Variants in ATP1B2 observed in about 807,000 individuals in gnomAD.
The protein encoded by ATP1B2 is sodium/potassium-transporting ATPase subunit beta-2.
Under a neutral mutation model 37.3 loss-of-function variants are expected in ATP1B2, and 12 were observed. The ratio of observed to expected loss-of-function variants is 0.32; its 90% CI spans 0.21 to 0.52. ATP1B2 has a LOEUF of 0.52. ATP1B2 is among the 20% of genes least tolerant of loss of function. The pLI is 0.96. For synonymous variants in ATP1B2, 139 were observed against 140.5 expected, an observed-to-expected ratio of 0.99 and a Z score of 0.07; for missense variants, 324 against 391.6, an observed-to-expected ratio of 0.83 and a Z score of 1.46.
Position 7,654,519 on chromosome 17 carries a change from C to A in ATP1B2, c.553-109C>A. Reference sequence around the variant, plus strand: ...TCCTGGAATTAAGCTATCCTCCCGCCTCAACCTCCCTAGTAGTTGGGACTA... The same window carrying A: ...TCCTGGAATTAAGCTATCCTCCCGCATCAACCTCCCTAGTAGTTGGGACTA... On this transcript the variant is annotated intron_variant, in intron 4 of 6. Coordinates refer to ENST00000250111, the MANE Select transcript of ATP1B2 (RefSeq NM_001678.5). The surrounding 1 kb of genome is among the most constrained non-coding windows in gnomAD (Gnocchi z 4.9). 8.0e-7 allele frequency: 1 copy of A among 1,253,358 alleles called. No homozygotes were observed. Among genetic ancestry groups the A allele is most frequent in the Non-Finnish European group, 1.2e-6 (1 of 857,078 alleles). The allele number at this position is 1,253,358 out of a possible 1,614,324, so 77.6% of individuals were successfully genotyped here. A position where few individuals can be genotyped will look rare whatever the true frequency, so the allele number is the denominator to read the frequency against.
At chr17:7,648,443 G>A (rs1322874452), upstream of ATP1B2, among the ~76,000 whole-genome samples, 1 of 151,340 alleles carries the variant, frequency 6.6e-6, no homozygotes, top group South Asian at 2.1e-4. Flanking sequence ...GCCGGGCGTG[G>A]TGGTAGTCCC....
At chr17:7,652,464 C>G (rs112096564) in intron 1 of ATP1B2, among the ~76,000 whole-genome samples, 1 of 152,130 alleles carries the variant, frequency 6.6e-6, no homozygotes, top group African/African-American at 2.4e-5. Context: ...CTGTGTGACA[C>G]GATTTACAAT....
intron 1 of ATP1B2, among the ~76,000 whole-genome samples, chr17:7,652,277 AGTCG>A (rs2072619253): frequency 6.7e-6 from 1 of 148,692 alleles, no homozygotes; most frequent in Admixed American, 6.7e-5. Context: ...TGTCTGTGAC[AGTCG>A]GATGACTTGG....
At chr17:7,650,716 T>A (rs931863816), upstream of ATP1B2, among the ~76,000 whole-genome samples, 3 of 151,962 alleles carry the variant, frequency 2.0e-5, no homozygotes, top group Non-Finnish European at 4.4e-5. Flanking sequence ...CCTCCCACCC[T>A]GTCCCAGTCT....
At chr17:7,648,567 C>CAAAAAAAAA (rs58333874), upstream of ATP1B2, among the ~76,000 whole-genome samples, 1 of 69,752 alleles carries the variant, frequency 1.4e-5, no homozygotes, top group Non-Finnish European at 2.6e-5. Context: ...ACTCTGTCTC[C>CAAAAAAAAA]AAAAAAAAAA....
At position 7,654,362 on chromosome 17, in the gene ATP1B2, T is replaced by A. The variant is rs1256969511; in HGVS notation, c.552+105T>A. 6.0e-6 allele frequency: 8 copies of A among 1,332,266 alleles called. No individual in the cohort carries two copies. In the Admixed American group the frequency reaches 1.4e-4, roughly 24 times the overall value. 82.5% of individuals were successfully genotyped at this position (1,332,266 alleles called of 1,614,324 possible). On this transcript the variant is annotated intron_variant, in intron 4 of 6. Coordinates refer to ENST00000250111, the MANE Select transcript of ATP1B2 (RefSeq NM_001678.5). The surrounding 1 kb of genome is among the most constrained non-coding windows in gnomAD (Gnocchi z 4.9). ...GGGGCTAATGGGCATGAGAAAGACT[T>A]GGATGTTTGTGTAGCTGAGAGAAAA...
intron 1 of ATP1B2, among the ~76,000 whole-genome samples, chr17:7,653,045 T>G (rs2072624206): frequency 6.6e-6 from 1 of 152,194 alleles, no homozygotes; most frequent in Non-Finnish European, 1.5e-5. Flanking sequence ...TGAGTACGAA[T>G]GCAGAGGTAA....
upstream of ATP1B2, among the ~76,000 whole-genome samples, chr17:7,648,075 A>G (rs1435774062): frequency 6.6e-6 from 1 of 151,992 alleles, no homozygotes; most frequent in Non-Finnish European, 1.5e-5. Flanking sequence ...CCCTGTCTCT[A>G]GTAAAAATAC....
upstream of ATP1B2, among the ~76,000 whole-genome samples, chr17:7,648,306 G>A (rs913696549): frequency 1.3e-5 from 2 of 151,810 alleles, no homozygotes; most frequent in Non-Finnish European, 2.9e-5. Flanking sequence ...GGCTGGGTGC[G>A]GTTGTTCACA....
upstream of ATP1B2, among the ~76,000 whole-genome samples, chr17:7,650,877 C>T (rs1303187836): frequency 6.6e-6 from 1 of 152,152 alleles, no homozygotes. Flanking sequence ...GGGGCGGGCA[C>T]CCCCAGAGCC....
chr17:7,647,350 T>G (rs554772006), upstream of ATP1B2, among the ~76,000 whole-genome samples: 1 of 152,234 alleles, frequency 6.6e-6, no homozygotes, highest in East Asian at 1.9e-4. Flanking sequence ...TTTCAGTCCT[T>G]CCTTCCTTAT....
Position 7,651,326 on chromosome 17 carries a change from G to A in ATP1B2, c.-193G>A. The A allele has an allele frequency of 2.7e-5, 16 of 586,116 alleles. No individual in the cohort carries two copies. The South Asian group carries it at 3.1e-4, about 11-fold the overall frequency. The allele number at this position is 586,116 out of a possible 1,614,324, so 36.3% of individuals were successfully genotyped here. ...GCCTAGGATCGGTGCATCTTCCGCC[G>A]CGCTGCCAGCACCCCGCAGCGCGTG... On this transcript the variant is annotated 5_prime_UTR_variant, in exon 1 of 7. Transcript: ENST00000250111.
upstream of ATP1B2, among the ~76,000 whole-genome samples, chr17:7,647,099 CAAAA>C (rs34937578): frequency 3.8e-5 from 3 of 78,304 alleles, no homozygotes; most frequent in Admixed American, 1.4e-4. Context: ...GAGACTATCT[CAAAA>C]AAAAAAAAAA....
At position 7,654,624 on chromosome 17, in the gene ATP1B2, C is replaced by A; in HGVS notation, c.553-4C>A. On this transcript the variant is annotated splice_polypyrimidine_tract_variant and splice_region_variant and intron_variant, in intron 4 of 6. Coordinates refer to ENST00000250111, the MANE Select transcript of ATP1B2 (RefSeq NM_001678.5). The surrounding 1 kb of genome is among the most constrained non-coding windows in gnomAD (Gnocchi z 4.9). ...ACTCTCTTCACCTTCCACCCTCACT[C>A]CAGGTCATCAACTTCTATGCAGGAG... 3 of 1,614,126 alleles carry A rather than the reference C, an allele frequency of 1.9e-6. No homozygotes were observed. Among genetic ancestry groups the A allele is most frequent in the Non-Finnish European group, 2.5e-6 (3 of 1,180,008 alleles).
At position 7,656,393 on chromosome 17, in the gene ATP1B2, T is replaced by A; in HGVS notation, c.*498T>A. ...CCCTTGATCTCTCATACTTTCTCCC[T>A]GTCTACACAGTCGCCATCTTGGTGA... On this transcript the variant is annotated 3_prime_UTR_variant, in exon 7 of 7. Transcript: ENST00000250111. The A allele has an allele frequency of 6.1e-6, 1 of 162,730 alleles. No homozygotes were observed. Among genetic ancestry groups the A allele is most frequent in the Non-Finnish European group, 1.4e-5 (1 of 73,930 alleles). 10.1% of individuals were successfully genotyped at this position (162,730 alleles called of 1,614,324 possible).
upstream of ATP1B2, among the ~76,000 whole-genome samples, chr17:7,649,141 C>A (rs1192023672): frequency 6.6e-6 from 1 of 152,188 alleles, no homozygotes; most frequent in Non-Finnish European, 1.5e-5. Context: ...CAACCTCCAC[C>A]TTCCAGGTTC....
At chr17:7,649,480 C>A (rs868132871), upstream of ATP1B2, among the ~76,000 whole-genome samples, 2 of 151,966 alleles carry the variant, frequency 1.3e-5, no homozygotes, top group African/African-American at 4.8e-5. Flanking sequence ...CTCCGCCTCC[C>A]GGGTTCAAGC....
upstream of ATP1B2, among the ~76,000 whole-genome samples, chr17:7,648,697 T>A (rs2072590314): frequency 6.6e-6 from 1 of 152,032 alleles, no homozygotes; most frequent in African/African-American, 2.4e-5. Flanking sequence ...ATTATGCAGC[T>A]GGCCATGCTT....
upstream of ATP1B2, chr17:7,646,812 T>C: frequency 6.6e-6 from 1 of 152,318 alleles, no homozygotes; most frequent in Non-Finnish European, 1.5e-5. Context: ...CAACAATGGC[T>C]CCTGCCTGTA....
Sources: allele counts gnomAD v4.1 joint callset (sites outside exome capture counted in the v4.1 genomes callset), GRCh38; gene constraint gnomAD v4.1.1; non-coding constraint Gnocchi (gnomAD v3.1); transcripts MANE v1.5; gene names NCBI Gene and HGNC (gene_info 2026-07-23, HGNC 2026-07-21).